The following CDH20 variants were observed in gnomAD, a reference collection of about 807,000 sequenced individuals.
CDH20 encodes cadherin-20.
Under a neutral mutation model 74.2 loss-of-function variants are expected in CDH20, and 29 were observed. The ratio of observed to expected loss-of-function variants is 0.39; its 90% confidence interval spans 0.29 to 0.53. The LOEUF (loss-of-function observed/expected upper bound fraction) is 0.53, where lower values mean the gene tolerates loss of function less well. CDH20 is among the 20% of genes least tolerant of loss of function. The probability of loss-of-function intolerance (pLI) is 0.69; values close to 1 mark genes in which losing one functional copy is unlikely to be tolerated. For synonymous variants in CDH20, 469 were observed against 405.4 expected, an observed-to-expected ratio of 1.16 and a Z score of -1.88; for missense variants, 988 against 1,048.3, an observed-to-expected ratio of 0.94 and a Z score of 0.79.
At chr18:61,346,958 T>G (rs927120193) in intron 1 of CDH20, among the ~76,000 whole-genome samples, 4 of 152,082 alleles carry the variant, frequency 2.6e-5, no homozygotes, top group Non-Finnish European at 4.4e-5. Context: ...TGTACCCACC[T>G]GGCCAGTGCT....
chr18:61,524,132 C>A (rs906143881), intron 6 of CDH20, among the ~76,000 whole-genome samples: 143 of 152,030 alleles, frequency 9.4e-4, no homozygotes, highest in Non-Finnish European at 3.1e-4. Context: ...AAAATATTTG[C>A]AAATCATACA....
intron 6 of CDH20, among the ~76,000 whole-genome samples, chr18:61,515,343 C>T (rs10871792): frequency 0.32 from 48,790 of 152,036 alleles, 8,695 homozygotes; most frequent in East Asian, 0.7. Context: ...GAGGCAATGC[C>T]TCGCCCTGCT....
intron 1 of CDH20, among the ~76,000 whole-genome samples, chr18:61,409,405 G>A (rs930797170): frequency 2.6e-5 from 4 of 152,180 alleles, no homozygotes; most frequent in Non-Finnish European, 5.9e-5. Flanking sequence ...TCCTGTGGCA[G>A]TCCTGGGGAA....
At chr18:61,394,403 G>A (rs1024256231) in intron 1 of CDH20, among the ~76,000 whole-genome samples, 2 of 152,094 alleles carry the variant, frequency 1.3e-5, no homozygotes, top group African/African-American at 4.8e-5. Flanking sequence ...TATGACTGGG[G>A]TCCATATAAA....
intron 1 of CDH20, among the ~76,000 whole-genome samples, chr18:61,371,259 G>A (rs916830343): frequency 3.9e-5 from 6 of 152,184 alleles, no homozygotes; most frequent in African/African-American, 1.4e-4. Context: ...CAGAGCAGCA[G>A]GGTAATATTT....
intron 1 of CDH20, among the ~76,000 whole-genome samples, chr18:61,375,308 C>A (rs1219858103): frequency 6.6e-6 from 1 of 152,168 alleles, no homozygotes; most frequent in East Asian, 1.9e-4. Context: ...CTTACAACTA[C>A]TGAAGCATTT....
chr18:61,349,762 GA>G (rs769886527), intron 1 of CDH20, among the ~76,000 whole-genome samples: 2,108 of 133,044 alleles, frequency 0.016, 38 homozygotes, highest in African/African-American at 0.044. Context: ...AGTGACAGAT[GA>G]AAAAAAAAAA....
chr18:61,425,113 T>C (rs1415362499), intron 1 of CDH20, among the ~76,000 whole-genome samples: 1 of 150,718 alleles, frequency 6.6e-6, no homozygotes. Context: ...CTATCTCAAC[T>C]CCTTCCCTCC....
intron 1 of CDH20, among the ~76,000 whole-genome samples, chr18:61,368,149 T>C (rs146528128): frequency 6.6e-6 from 1 of 152,190 alleles, no homozygotes; most frequent in African/African-American, 2.4e-5. Flanking sequence ...CCTGCTTGGA[T>C]AATCCAGGAT....
chr18:61,455,465 C>A (rs1012004437), intron 1 of CDH20, among the ~76,000 whole-genome samples: 1 of 152,120 alleles, frequency 6.6e-6, no homozygotes, highest in Non-Finnish European at 1.5e-5. Context: ...TATGAATATG[C>A]AAATTTAAAT....
At chr18:61,354,229 T>C (rs1038833307) in intron 1 of CDH20, among the ~76,000 whole-genome samples, 2 of 152,166 alleles carry the variant, frequency 1.3e-5, no homozygotes, top group Admixed American at 6.5e-5. Context: ...GACACCATTC[T>C]ACTTTTCCAA....
intron 1 of CDH20, among the ~76,000 whole-genome samples, chr18:61,455,390 A>C (rs1909539109): frequency 6.6e-6 from 1 of 152,244 alleles, no homozygotes; most frequent in Non-Finnish European, 1.5e-5. Flanking sequence ...AGTTTGTAAG[A>C]CAAAAGATTC....
In CDH20 at chr18:61,524,259, G is replaced by A. The variant is rs368551966; in HGVS notation, c.1018-3708G>A. ...GAACTACAATGAGATACCACTTAACGCACACTAGGATAGATAAAAATTTTA... is the reference window on the plus strand; with the variant it reads ...GAACTACAATGAGATACCACTTAACACACACTAGGATAGATAAAAATTTTA... On this transcript the variant is annotated intron_variant, in intron 6 of 11. Coordinates refer to ENST00000262717, the MANE Select transcript of CDH20 (RefSeq NM_031891.4). 1.3e-4 allele frequency among the ~76,000 whole-genome samples: 20 copies of A among 152,156 alleles called. No homozygotes were observed. In the South Asian group the frequency reaches 3.3e-3, roughly 25 times the overall value.
chr18:61,443,443 CA>C (rs1909096264), intron 1 of CDH20, among the ~76,000 whole-genome samples: 1 of 152,102 alleles, frequency 6.6e-6, no homozygotes, highest in South Asian at 2.1e-4. Flanking sequence ...TTTATATTTT[CA>C]AGTGTTGACA....
chr18:61,515,967 G>C (rs1386383582), intron 6 of CDH20, among the ~76,000 whole-genome samples: 1 of 151,930 alleles, frequency 6.6e-6, no homozygotes, highest in Non-Finnish European at 1.5e-5. Context: ...AGGCAATAAA[G>C]CTCAACATGT....
chr18:61,522,173 T>C (rs1276413632), intron 6 of CDH20, among the ~76,000 whole-genome samples: 1 of 152,152 alleles, frequency 6.6e-6, no homozygotes, highest in Admixed American at 6.5e-5. Flanking sequence ...GAAAACCCCA[T>C]CATCTCAGCC....
intron 10 of CDH20, among the ~76,000 whole-genome samples, chr18:61,549,207 A>T (rs939133410): frequency 1.3e-5 from 2 of 152,254 alleles, no homozygotes; most frequent in African/African-American, 4.8e-5. Flanking sequence ...ATATGTGAAT[A>T]TAAATGTAAA....
chr18:61,382,707 C>T (rs1911472230), intron 1 of CDH20, among the ~76,000 whole-genome samples: 1 of 152,122 alleles, frequency 6.6e-6, no homozygotes, highest in East Asian at 1.9e-4. Context: ...GATTTTCCAG[C>T]CCAAATCCTG....
intron 5 of CDH20, among the ~76,000 whole-genome samples, chr18:61,505,755 CA>C (rs2144327496): frequency 6.6e-6 from 1 of 152,260 alleles, no homozygotes; most frequent in African/African-American, 2.4e-5. Flanking sequence ...TCATGGAAGA[CA>C]AAAGAGAAAT....
Sources: allele counts gnomAD v4.1 joint callset (sites outside exome capture counted in the v4.1 genomes callset), GRCh38; gene constraint gnomAD v4.1.1; transcripts MANE v1.5; gene names NCBI Gene and HGNC (gene_info 2026-07-23, HGNC 2026-07-21).